LAPTM4A: variants seen among roughly 807,000 people sequenced by gnomAD.
LAPTM4A encodes the protein lysosomal-associated transmembrane protein 4A.
LAPTM4A carries 19 observed loss-of-function variants against 29.9 expected under a neutral mutation model. The ratio of observed to expected loss-of-function variants is 0.64; its 90% CI spans 0.44 to 0.93. The LOEUF is 0.93. LAPTM4A is among the 40% of genes least tolerant of loss of function. LAPTM4A has a pLI of 0.00. For missense variants in LAPTM4A, 293 were observed against 288.5 expected (o/e 1.02, Z -0.11); for synonymous variants, 105 against 102.1 (o/e 1.03, Z -0.17).
chr2:20,039,547 A>C (rs1673749216), intron 2 of LAPTM4A, among the ~76,000 whole-genome samples: 1 of 151,854 alleles, frequency 6.6e-6, no homozygotes, highest in Admixed American at 6.6e-5. Context: ...TGAAGCCGGG[A>C]GCTCAAGACC....
chr2:20,049,487 T>A (rs552951576), intron 1 of LAPTM4A, among the ~76,000 whole-genome samples: 17 of 152,346 alleles, frequency 1.1e-4, no homozygotes, highest in Admixed American at 2.0e-4. Context: ...TCACTCCCTA[T>A]TTTGTAAGAA....
In LAPTM4A at chr2:20,032,738, T is replaced by C. The variant is rs748441265; in HGVS notation, c.*467A>G. ...AACATGCAACCATCATCTTCCACAG[T>C]CAAGTCACAATGTCAAATATTTTTC... is the stretch of plus-strand genomic sequence containing the variant. On this transcript the variant is annotated 3_prime_UTR_variant, in exon 7 of 7. Transcript: ENST00000175091. 5 of 156,058 alleles carry C rather than the reference T, an allele frequency of 3.2e-5. No individual in the cohort carries two copies. Among genetic ancestry groups the C allele is most frequent in the Non-Finnish European group, 7.1e-5 (5 of 70,184 alleles). 9.7% of individuals were successfully genotyped at this position (156,058 alleles called of 1,614,324 possible). A position where few individuals can be genotyped will look rare whatever the true frequency, so the allele number is the denominator to read the frequency against.
chr2:20,033,031 AC>A lies in LAPTM4A; in HGVS notation c.*173del. 1 of 594,932 alleles carries A rather than the reference AC, an allele frequency of 1.7e-6. No homozygotes were observed. The highest frequency in any genetic ancestry group is 3.0e-6 in the Non-Finnish European group (1 of 332,414). 36.9% of individuals were successfully genotyped at this position (594,932 alleles called of 1,614,324 possible). On this transcript the variant is annotated 3_prime_UTR_variant, in exon 7 of 7. Coordinates refer to ENST00000175091, the MANE Select transcript of LAPTM4A (RefSeq NM_014713.5). ...AAAATGTAAAAGACTTAACAAAAAA[AC>A]AAAAAGACGTTTAACAGATGTCAAA...
chr2:20,034,203 G>A (rs975634387), intron 6 of LAPTM4A, 114 bp downstream of exon 6: 5 of 773,754 alleles, frequency 6.5e-6, no homozygotes, highest in African/African-American at 1.7e-5. Context: ...AGTACCCAGG[G>A]TTCATGCCCA....
intron 2 of LAPTM4A, among the ~76,000 whole-genome samples, chr2:20,040,558 T>C (rs1673771263): frequency 6.6e-6 from 1 of 152,158 alleles, no homozygotes; most frequent in African/African-American, 2.4e-5. Flanking sequence ...ACTGCATATA[T>C]CATGAGGGTT....
intron 1 of LAPTM4A, among the ~76,000 whole-genome samples, chr2:20,046,979 G>A (rs1430609642): frequency 6.6e-6 from 1 of 151,308 alleles, no homozygotes; most frequent in South Asian, 2.1e-4. Context: ...AGAAAAATAA[G>A]AGAAAAGGAC....
chr2:20,044,916 AT>A (rs1209108030), intron 1 of LAPTM4A, among the ~76,000 whole-genome samples: 2 of 152,056 alleles, frequency 1.3e-5, no homozygotes, highest in Non-Finnish European at 2.9e-5. Flanking sequence ...ACTTAAAAAA[AT>A]TTTTTTTGTA....
At position 20,041,101 on chromosome 2, in the gene LAPTM4A, T is replaced by C. The variant is rs1048268531; in HGVS notation, c.112-90A>G. 144 of 1,299,222 alleles carry C rather than the reference T, an allele frequency of 1.1e-4. No homozygotes were observed. In the Middle Eastern group the frequency reaches 1.3e-3, roughly 12 times the overall value. The allele number at this position is 1,299,222 out of a possible 1,614,324, so 80.5% of individuals were successfully genotyped here. A position where few individuals can be genotyped will look rare whatever the true frequency, so the allele number is the denominator to read the frequency against. On this transcript the variant is annotated intron_variant, in intron 1 of 6. Coordinates refer to ENST00000175091, the MANE Select transcript of LAPTM4A (RefSeq NM_014713.5). ...CTAGATGTCCTCTCATATTTAAGAT[T>C]GTCTTACTTGAAGTAACAAAGATAT...
At chr2:20,051,294 C>A in intron 1 of LAPTM4A, 116 bp downstream of exon 1, 1 of 720,628 alleles carries the variant, frequency 1.4e-6, no homozygotes, top group African/African-American at 1.8e-5. Context: ...CCTTAAAAAG[C>A]AGCGCCCCTC....
chr2:20,043,134 G>T (rs540908406), intron 1 of LAPTM4A, among the ~76,000 whole-genome samples: 5 of 146,330 alleles, frequency 3.4e-5, no homozygotes, highest in African/African-American at 1.3e-4. Flanking sequence ...GTGCAGTGGC[G>T]CAATCTCAGC....
Position 20,033,181 on chromosome 2 carries a change from T to C in LAPTM4A, c.*24A>G, listed in dbSNP as rs760096942. ...AAACAAACAAAAAGCTGGTATAGGATTTATTGTCAAAGGCAGAATTTCTTC... is the reference window on the plus strand; with the variant it reads ...AAACAAACAAAAAGCTGGTATAGGACTTATTGTCAAAGGCAGAATTTCTTC... On this transcript the variant is annotated 3_prime_UTR_variant, in exon 7 of 7. Transcript: ENST00000175091. 1.9e-6 allele frequency: 3 copies of C among 1,595,976 alleles called. No individual in the cohort carries two copies. Among genetic ancestry groups the C allele is most frequent in the South Asian group, 2.2e-5 (2 of 90,724 alleles).
At chr2:20,051,188 C>G (rs1674060022) in intron 1 of LAPTM4A, among the ~76,000 whole-genome samples, 1 of 152,160 alleles carries the variant, frequency 6.6e-6, no homozygotes, top group South Asian at 2.1e-4. Flanking sequence ...AAAGAACAAT[C>G]TCCCCATGCT....
intron 1 of LAPTM4A, among the ~76,000 whole-genome samples, chr2:20,047,302 C>T (rs908160440): frequency 6.9e-6 from 1 of 145,854 alleles, no homozygotes; most frequent in East Asian, 2.1e-4. Context: ...GCAGAGGAAT[C>T]GCTTGAACCT....
chr2:20,034,911 G>A (rs1222138793), intron 5 of LAPTM4A, 56 bp downstream of exon 5: 6 of 1,285,378 alleles, frequency 4.7e-6, no homozygotes, highest in Admixed American at 1.8e-5. Flanking sequence ...CAGCAAAAAG[G>A]TTTAGATTCA....
intron 1 of LAPTM4A, among the ~76,000 whole-genome samples, chr2:20,048,794 T>C (rs915916312): frequency 1.3e-5 from 2 of 152,236 alleles, no homozygotes; most frequent in Non-Finnish European, 2.9e-5. Flanking sequence ...CCCCATATTG[T>C]TTCTCTGTCT....
rs1232169057 is a variant in LAPTM4A at position 20,037,439 on chromosome 2, C to T, written c.310-1G>A. ...ATGGAATCAGCCAACCCACTTGATA[C>T]TGGAGAAAAAATAACAACCATAACA... On this transcript the variant is annotated splice_acceptor_variant, in intron 3 of 6. Coordinates refer to ENST00000175091, the MANE Select transcript of LAPTM4A (RefSeq NM_014713.5). LOFTEE classifies it high-confidence loss of function. 2 of 1,606,728 alleles carry T rather than the reference C, an allele frequency of 1.2e-6. No homozygotes were observed. The highest frequency in any genetic ancestry group is 1.3e-5 in the African/African-American group (1 of 74,162).
At chr2:20,042,656 A>G (rs1673824578) in intron 1 of LAPTM4A, among the ~76,000 whole-genome samples, 1 of 152,238 alleles carries the variant, frequency 6.6e-6, no homozygotes, top group South Asian at 2.1e-4. Flanking sequence ...AAATCCCATT[A>G]TAATATCTGA....
intron 1 of LAPTM4A, among the ~76,000 whole-genome samples, chr2:20,042,132 GT>G (rs1673813203): frequency 6.6e-6 from 1 of 152,134 alleles, no homozygotes; most frequent in Non-Finnish European, 1.5e-5. Context: ...TTGTACTGAG[GT>G]TTTTTGTTTT....
intron 1 of LAPTM4A, among the ~76,000 whole-genome samples, chr2:20,044,210 G>A (rs1385525907): frequency 6.6e-6 from 1 of 152,170 alleles, no homozygotes; most frequent in Non-Finnish European, 1.5e-5. Context: ...TGGTGTATGA[G>A]TATGAGCTAA....
Sources: gnomAD v4.1 joint callset for allele counts (sites outside exome capture counted in the v4.1 genomes callset) on GRCh38, gnomAD v4.1.1 for gene constraint, MANE v1.5 for transcripts, NCBI Gene and HGNC (gene_info 2026-07-23, HGNC 2026-07-21) for gene names.